PLEKHB1: variants seen among roughly 807,000 people sequenced by gnomAD.
The protein encoded by PLEKHB1 is pleckstrin homology domain containing B1.
Under a neutral mutation model 36.2 loss-of-function variants are expected in PLEKHB1, and 29 were observed. That is an observed-to-expected ratio of 0.80 (90% CI 0.60 to 1.09). The LOEUF is 1.09. Ranked by LOEUF, PLEKHB1 falls within the 50% of genes least tolerant of loss-of-function variation. PLEKHB1 has a pLI of 0.00. For missense variants in PLEKHB1, 330 were observed against 348.2 expected (o/e 0.95, Z 0.42); for synonymous variants, 138 against 140.0 (o/e 0.99, Z 0.10).
chr11:73,660,937 C>T (rs1945100022), intron 7 of PLEKHB1, 85 bp downstream of exon 7: 8 of 1,243,670 alleles, frequency 6.4e-6, no homozygotes, highest in African/African-American at 1.5e-5. Context: ...AAGTCCGGAC[C>T]AGGCTTCATC....
At chr11:73,653,101 G>C in intron 5 of PLEKHB1, 87 bp downstream of exon 5, 1 of 1,352,432 alleles carries the variant, frequency 7.4e-7, no homozygotes, top group Admixed American at 2.0e-5. Context: ...CCACCTGCCA[G>C]AAGTTCTCAG....
At chr11:73,657,263 C>A (rs1002353021) in intron 6 of PLEKHB1, among the ~76,000 whole-genome samples, 1 of 152,170 alleles carries the variant, frequency 6.6e-6, no homozygotes, top group Non-Finnish European at 1.5e-5. Context: ...GAGAGGTTAC[C>A]TAACTTGATC....
chr11:73,661,738 AT>A lies in PLEKHB1; in HGVS notation c.*138del, dbSNP rs561872170. 2.4e-4 allele frequency: 265 copies of A among 1,122,430 alleles called. No homozygotes were observed. The highest frequency in any genetic ancestry group is 2.9e-4 in the Non-Finnish European group (233 of 804,918). The allele number at this position is 1,122,430 out of a possible 1,614,324, so 69.5% of individuals were successfully genotyped here. A position where few individuals can be genotyped will look rare whatever the true frequency, so the allele number is the denominator to read the frequency against. ...CATTAGCTCCTTCCGGGTTTGGACC[AT>A]TCCCCCCACTCCCTACCCTTAATCC... On this transcript the variant is annotated 3_prime_UTR_variant, in exon 8 of 8. Transcript: ENST00000354190. This position sits in a 1 kb window ranked among gnomAD's most constrained non-coding sequence, Gnocchi z 4.6.
intron 4 of PLEKHB1, chr11:73,652,094 A>G (rs1453034839): frequency 3.3e-5 from 19 of 583,792 alleles, no homozygotes; most frequent in Middle Eastern, 4.6e-4. Context: ...CATGTGGTCT[A>G]CAGTGAACTC....
At chr11:73,660,688 TG>T in intron 6 of PLEKHB1, 64 bp from the exon 7 acceptor site, 9 of 1,477,096 alleles carry the variant, frequency 6.1e-6, no homozygotes, top group Non-Finnish European at 8.3e-6. Flanking sequence ...GTGCCAGGCG[TG>T]GGGGTAGGGG....
At chr11:73,647,678 G>GT in intron 1 of PLEKHB1, 74 of 985,520 alleles carry the variant, frequency 7.5e-5, no homozygotes, top group Non-Finnish European at 8.7e-5. Flanking sequence ...AGCGGGTTGG[G>GT]TGGCAGCAGC....
intron 5 of PLEKHB1, 56 bp from the exon 6 acceptor site, chr11:73,655,747 G>T: frequency 6.7e-7 from 1 of 1,484,498 alleles, no homozygotes. Flanking sequence ...AGGTGTAGAG[G>T]GCCTCTGACA....
intron 4 of PLEKHB1, 90 bp downstream of exon 4, chr11:73,651,980 TAG>T: frequency 8.3e-7 from 1 of 1,197,680 alleles, no homozygotes; most frequent in South Asian, 1.3e-5. Flanking sequence ...TCTCTGACCG[TAG>T]GAAGAGGGCA....
chr11:73,650,455 A>G (rs1175184054), intron 2 of PLEKHB1, 98 bp from the exon 3 acceptor site: 13 of 1,340,406 alleles, frequency 9.7e-6, no homozygotes, highest in Non-Finnish European at 1.1e-5. Context: ...TTGTAACACT[A>G]GGGACTGAGG....
At chr11:73,646,760 TAGGTG>T (rs1303450308) in intron 1 of PLEKHB1, 134 bp downstream of exon 1, 1 of 942,112 alleles carries the variant, frequency 1.1e-6, no homozygotes, top group Non-Finnish European at 1.7e-6. Flanking sequence ...TGGCTGCTGG[TAGGTG>T]AGGGTTTGCG....
chr11:73,655,810 C>T lies in PLEKHB1; in HGVS notation c.398C>T (p.Ala133Val), dbSNP rs1024175974. The T allele has an allele frequency of 3.1e-6, 5 of 1,613,456 alleles. No homozygotes were observed. The highest frequency in any genetic ancestry group is 3.4e-6 in the Non-Finnish European group (4 of 1,179,812). Residue 133 changes from alanine to valine, a missense_variant, in exon 6 of 8, where the codon GCT (alanine) becomes GTT (valine). Physicochemically the swap from Ala to Val is moderately conservative, Grantham distance 64. Coordinates refer to ENST00000354190, the MANE Select transcript of PLEKHB1 (RefSeq NM_021200.3). The part of the protein sequence containing the change: ...LLEANSTPAP[A>V]GATVPPRSRR... ...TTTCTGTGGCTTGAGCAGGCCCCAG[C>T]TGGAGCCACCGTCCCTCCCAGGAGC...
chr11:73,652,934 C>T, intron 4 of PLEKHB1, 41 bp from the exon 5 acceptor site: 2 of 1,578,336 alleles, frequency 1.3e-6, no homozygotes, highest in East Asian at 2.3e-5. Flanking sequence ...TCACCCACCC[C>T]CAAACTCCCT....
At chr11:73,647,565 G>T (rs1282723755) in intron 1 of PLEKHB1, 7 of 985,396 alleles carry the variant, frequency 7.1e-6, no homozygotes, top group African/African-American at 1.7e-5. Flanking sequence ...CCTCCCTGGG[G>T]TGGGCAGGTC....
At chr11:73,653,487 C>A in intron 5 of PLEKHB1, 1 of 460,508 alleles carries the variant, frequency 2.2e-6, no homozygotes, top group Non-Finnish European at 4.3e-6. Context: ...ATGGGCTCTG[C>A]CCACCTGGAC....
At chr11:73,648,952 G>A in intron 1 of PLEKHB1, 60 bp from the exon 2 acceptor site, 2 of 1,546,870 alleles carry the variant, frequency 1.3e-6, no homozygotes, top group East Asian at 4.9e-5. Context: ...CGGCAGGGCT[G>A]GGGGCTTCTC....
Position 73,661,796 on chromosome 11 carries a change from A to C in PLEKHB1, c.*194A>C, listed in dbSNP as rs1490725628. On this transcript the variant is annotated 3_prime_UTR_variant, in exon 8 of 8. Transcript: ENST00000354190. The surrounding 1 kb of genome is among the most constrained non-coding windows in gnomAD (Gnocchi z 4.6). ...GGGAAGAAGCTATCATCACAGGTAC[A>C]AACATCGCTTGAAGTCTTCACATCT... 1.5e-6 allele frequency: 1 copy of C among 665,756 alleles called. No individual in the cohort carries two copies. The highest frequency in any genetic ancestry group is 2.4e-6 in the Non-Finnish European group (1 of 420,108). The allele number at this position is 665,756 out of a possible 1,614,324, so 41.2% of individuals were successfully genotyped here. A position where few individuals can be genotyped will look rare whatever the true frequency, so the allele number is the denominator to read the frequency against.
At chr11:73,653,287 T>C (rs1944933872) in intron 5 of PLEKHB1, 2 of 660,678 alleles carry the variant, frequency 3.0e-6, no homozygotes, top group Admixed American at 2.1e-5. Flanking sequence ...GCAACTATTA[T>C]GTGCCAGGTG....
intron 5 of PLEKHB1, among the ~76,000 whole-genome samples, chr11:73,654,873 G>A (rs1027080974): frequency 3.9e-5 from 6 of 152,234 alleles, no homozygotes; most frequent in African/African-American, 1.2e-4. Context: ...CCTGAGGCCT[G>A]TAGGGAGCAA....
intron 2 of PLEKHB1, 73 bp downstream of exon 2, chr11:73,649,160 C>T (rs1453279778): frequency 4.9e-5 from 74 of 1,521,376 alleles, no homozygotes; most frequent in Non-Finnish European, 6.0e-5. Context: ...ACGGGGAACA[C>T]TTCTCTCAAG....
Sources: allele counts gnomAD v4.1 joint callset (sites outside exome capture counted in the v4.1 genomes callset), GRCh38; gene constraint gnomAD v4.1.1; non-coding constraint Gnocchi (gnomAD v3.1); transcripts MANE v1.5; gene names NCBI Gene and HGNC (gene_info 2026-07-23, HGNC 2026-07-21).